The following ZFAND3 variants were observed in gnomAD, a reference collection of about 807,000 sequenced individuals.
ZFAND3 encodes AN1-type zinc finger protein 3.
ZFAND3 carries 10 observed loss-of-function variants against 29.6 expected under a neutral mutation model. That is an observed-to-expected ratio of 0.34 (90% confidence interval 0.21 to 0.57). ZFAND3 has a LOEUF of 0.57. ZFAND3 is among the 20% of genes least tolerant of loss of function. ZFAND3 has a pLI of 0.86. For missense variants in ZFAND3, 230 were observed against 304.5 expected (o/e 0.76, Z 1.82); for synonymous variants, 128 against 112.6 (o/e 1.14, Z -0.87).
Position 37,882,947 on chromosome 6 carries a change from A to G in ZFAND3, c.72-47012A>G, listed in dbSNP as rs755221351. Among the ~76,000 whole-genome samples, 3 of 152,082 alleles carry G rather than the reference A, an allele frequency of 2.0e-5. No homozygotes were observed. In the South Asian group the frequency reaches 6.2e-4, roughly 32 times the overall value. On this transcript the variant is annotated intron_variant, in intron 1 of 5. Transcript: ENST00000287218. ...TATTTAAAACATGTAGCCTGGGTGC[A>G]TTGTCTCATGCCTATAATCCTAGCA...
At chr6:37,851,829 A>G (rs1764286869) in intron 1 of ZFAND3, among the ~76,000 whole-genome samples, 1 of 152,230 alleles carries the variant, frequency 6.6e-6, no homozygotes. Context: ...AAATTTGACC[A>G]GCTATTATAG....
intron 2 of ZFAND3, among the ~76,000 whole-genome samples, chr6:37,993,594 TG>T (rs1291611631): frequency 3.3e-5 from 5 of 152,216 alleles, no homozygotes; most frequent in Admixed American, 6.5e-5. Flanking sequence ...CCCAAAGTGT[TG>T]GGATTACAGG....
chr6:38,044,398 G>C (rs1012733954), intron 2 of ZFAND3, among the ~76,000 whole-genome samples: 4 of 151,270 alleles, frequency 2.6e-5, no homozygotes, highest in African/African-American at 9.7e-5. Flanking sequence ...TTTTAGATTG[G>C]CAGGGTAACG....
chr6:37,912,030 C>CTGTGTG (rs59017250), intron 1 of ZFAND3, among the ~76,000 whole-genome samples: 13,254 of 139,642 alleles, frequency 0.095, 782 homozygotes, highest in African/African-American at 0.16. Context: ...AGTCTTTTAT[C>CTGTGTG]TGTGTGTGTG....
At chr6:37,852,953 T>A (rs1474612667) in intron 1 of ZFAND3, among the ~76,000 whole-genome samples, 1 of 152,174 alleles carries the variant, frequency 6.6e-6, no homozygotes, top group African/African-American at 2.4e-5. Flanking sequence ...TTCTTCACTA[T>A]AGATGTCTTT....
At chr6:38,013,643 A>G (rs1406868450) in intron 2 of ZFAND3, among the ~76,000 whole-genome samples, 1 of 152,086 alleles carries the variant, frequency 6.6e-6, no homozygotes, top group Non-Finnish European at 1.5e-5. Context: ...TTTTCCTAGA[A>G]CCAGTATTTC....
chr6:38,027,374 C>A (rs1032170995), intron 2 of ZFAND3, among the ~76,000 whole-genome samples: 1 of 152,144 alleles, frequency 6.6e-6, no homozygotes, highest in Non-Finnish European at 1.5e-5. Flanking sequence ...TCAAAAGAAC[C>A]AAAGAGCTTT....
intron 1 of ZFAND3, among the ~76,000 whole-genome samples, chr6:37,823,792 A>C (rs575569686): frequency 8.1e-5 from 12 of 148,094 alleles, no homozygotes; most frequent in African/African-American, 3.0e-4. Context: ...ATTTTTTTGT[A>C]TTTTTTTTTG....
At chr6:38,006,293 T>C (rs1462595773) in intron 2 of ZFAND3, among the ~76,000 whole-genome samples, 4 of 152,210 alleles carry the variant, frequency 2.6e-5, no homozygotes, top group African/African-American at 9.7e-5. Context: ...CTGTTGTATG[T>C]CTCTGTGTTT....
At chr6:38,020,496 A>G (rs1244732856) in intron 2 of ZFAND3, among the ~76,000 whole-genome samples, 3 of 152,218 alleles carry the variant, frequency 2.0e-5, no homozygotes, top group Non-Finnish European at 4.4e-5. Context: ...TTATTGCATT[A>G]TTTATAAATA....
intron 1 of ZFAND3, among the ~76,000 whole-genome samples, chr6:37,875,130 A>T (rs1402048881): frequency 6.6e-6 from 1 of 152,210 alleles, no homozygotes; most frequent in East Asian, 1.9e-4. Context: ...GTACCTGAGT[A>T]TAGGATTATG....
chr6:37,976,855 C>T (rs1192816967), intron 2 of ZFAND3, among the ~76,000 whole-genome samples: 3 of 152,124 alleles, frequency 2.0e-5, no homozygotes, highest in Non-Finnish European at 4.4e-5. Flanking sequence ...AGTCACCTTC[C>T]ACCAGGTCCC....
intron 2 of ZFAND3, among the ~76,000 whole-genome samples, chr6:37,958,825 G>A (rs1241443680): frequency 4.6e-5 from 7 of 151,546 alleles, no homozygotes; most frequent in Non-Finnish European, 8.8e-5. Context: ...AGGGATAGAC[G>A]TGAATTCTGG....
intron 2 of ZFAND3, among the ~76,000 whole-genome samples, chr6:37,957,954 C>T (rs1188292246): frequency 6.6e-6 from 1 of 151,942 alleles, no homozygotes; most frequent in Non-Finnish European, 1.5e-5. Context: ...ATCCAAAAAT[C>T]GTGTACACAA....
intron 1 of ZFAND3, among the ~76,000 whole-genome samples, chr6:37,835,153 T>C (rs1274423374): frequency 6.6e-6 from 1 of 152,214 alleles, no homozygotes; most frequent in East Asian, 1.9e-4. Flanking sequence ...CATTCATTTG[T>C]AAGAGGTTTT....
intron 2 of ZFAND3, among the ~76,000 whole-genome samples, chr6:37,999,144 G>A (rs1561961195): frequency 6.6e-6 from 1 of 152,192 alleles, no homozygotes; most frequent in African/African-American, 2.4e-5. Context: ...AATGAAGGGG[G>A]CATGTCAGAG....
chr6:38,054,424 A>T (rs1203445150), intron 2 of ZFAND3, among the ~76,000 whole-genome samples: 1 of 151,192 alleles, frequency 6.6e-6, no homozygotes, highest in Non-Finnish European at 1.5e-5. Context: ...ACAAGGAAGC[A>T]CACAAAAACC....
At chr6:38,107,929 T>TG (rs903394972) in intron 4 of ZFAND3, among the ~76,000 whole-genome samples, 1 of 142,286 alleles carries the variant, frequency 7.0e-6, no homozygotes, top group African/African-American at 2.6e-5. Flanking sequence ...GAAGGACTGT[T>TG]AAAAAAAAAA....
intron 1 of ZFAND3, among the ~76,000 whole-genome samples, chr6:37,925,186 AT>A (rs1561936187): frequency 1.3e-5 from 2 of 152,182 alleles, no homozygotes; most frequent in Non-Finnish European, 2.9e-5. Flanking sequence ...GTTTTAAAAG[AT>A]GACCATAGCT....
Sources: gnomAD v4.1 joint callset for allele counts (sites outside exome capture counted in the v4.1 genomes callset) on GRCh38, gnomAD v4.1.1 for gene constraint, MANE v1.5 for transcripts, NCBI Gene and HGNC (gene_info 2026-07-23, HGNC 2026-07-21) for gene names.